Variants in INO80 observed in about 807,000 individuals in gnomAD.
INO80 encodes the protein INO80 complex ATPase subunit.
A neutral mutation model predicts 203.4 loss-of-function variants in INO80; 20 were observed. The observed-to-expected ratio is 0.10, with a 90% CI of 0.07 to 0.14. The LOEUF (loss-of-function observed/expected upper bound fraction) is 0.14. INO80 is among the 10% of genes least tolerant of loss of function. The pLI, the probability that INO80 is intolerant of heterozygous loss-of-function variation, is 1.00. For synonymous variants in INO80, 726 were observed against 685.2 expected (o/e 1.06, Z -0.93); for missense variants, 1,419 against 1,914.4 (o/e 0.74, Z 4.83).
chr15:41,081,404 T>C (rs1174950996), intron 7 of INO80, among the ~76,000 whole-genome samples: 2 of 152,172 alleles, frequency 1.3e-5, no homozygotes, highest in African/African-American at 4.8e-5. Flanking sequence ...TAAAAACATG[T>C]TGCTTACCAG....
chr15:40,989,014 CAAAA>C (rs55929719), intron 29 of INO80, among the ~76,000 whole-genome samples: 2 of 144,786 alleles, frequency 1.4e-5, no homozygotes, highest in African/African-American at 5.1e-5. Context: ...GCCTCCGTCT[CAAAA>C]AAAAAAAAAA....
In INO80 at chr15:41,058,918, T is replaced by A. The variant is rs116822334; in HGVS notation, c.1843-137A>T. ...GTGCTTCTCCCATATGGTAGGGAGA[T>A]GTGCAGTGAAGTGAACCATACTGTG... On this transcript the variant is annotated intron_variant, in intron 15 of 35. Transcript: ENST00000648947. The A allele has an allele frequency of 1.2e-4, 91 of 776,096 alleles. No homozygotes were observed. The African/African-American group carries it at 1.5e-3, about 13-fold the overall frequency. 48.1% of individuals were successfully genotyped at this position (776,096 alleles called of 1,614,324 possible). A position where few individuals can be genotyped will look rare whatever the true frequency, so the allele number is the denominator to read the frequency against.
chr15:41,054,972 G>T (rs2044956384), intron 18 of INO80, among the ~76,000 whole-genome samples: 1 of 152,096 alleles, frequency 6.6e-6, no homozygotes, highest in East Asian at 1.9e-4. Flanking sequence ...TGGGAAATGT[G>T]AATTCTGCAA....
intron 14 of INO80, among the ~76,000 whole-genome samples, chr15:41,068,631 G>A (rs1364226525): frequency 6.6e-6 from 1 of 151,954 alleles, no homozygotes; most frequent in Non-Finnish European, 1.5e-5. Flanking sequence ...GCCCAGGCAT[G>A]TGGATCACCT....
At position 41,096,243 on chromosome 15, in the gene INO80, T is replaced by G; in HGVS notation, c.68A>C (p.Gln23Pro). 6.2e-7 allele frequency: 1 copy of G among 1,613,160 alleles called. No homozygotes were observed. The highest frequency in any genetic ancestry group is 8.5e-7 in the Non-Finnish European group (1 of 1,179,776). The change falls in exon 2 of 36, where the codon CAG (glutamine) becomes CCG (proline). Residue 23 changes from glutamine to proline, a missense_variant. Physicochemically the swap from Gln to Pro is moderately conservative, Grantham distance 76 (BLOSUM62 -1). This residue lies in a region of INO80 where 323 missense variants were observed against 325.4 expected (regional missense o/e 0.99). Transcript: ENST00000648947. ...CTELAKPLYLQYLERALRLDH... is the reference protein window; with the variant it reads ...CTELAKPLYLPYLERALRLDH... ...CAACCGGAGGGCCCTCTCCAAGTACTGAAGATAGAGGGGCTTTGCCAGCTC... is the reference window on the plus strand; with the variant it reads ...CAACCGGAGGGCCCTCTCCAAGTACGGAAGATAGAGGGGCTTTGCCAGCTC...
chr15:41,039,719 G>T (rs563903637), intron 24 of INO80, among the ~76,000 whole-genome samples: 1 of 152,028 alleles, frequency 6.6e-6, no homozygotes, highest in African/African-American at 2.4e-5. Flanking sequence ...TGCCCTCCAC[G>T]GACCTTTGAG....
chr15:40,991,780 C>CT (rs889459469), intron 29 of INO80, among the ~76,000 whole-genome samples: 227 of 146,024 alleles, frequency 1.6e-3, no homozygotes, highest in African/African-American at 3.6e-3. Flanking sequence ...AAATTTCTTT[C>CT]TTTTTTTTTT....
intron 23 of INO80, among the ~76,000 whole-genome samples, chr15:41,046,703 C>T (rs530184382): frequency 6.6e-5 from 10 of 151,996 alleles, no homozygotes; most frequent in African/African-American, 1.7e-4. Flanking sequence ...CTGCAACCTC[C>T]ACCTCCTGGG....
intron 14 of INO80, among the ~76,000 whole-genome samples, chr15:41,068,780 A>T (rs2045264031): frequency 6.6e-6 from 1 of 152,152 alleles, no homozygotes; most frequent in Non-Finnish European, 1.5e-5. Context: ...GGATTGCTTG[A>T]ACCTGGGAGA....
At position 41,096,315 on chromosome 15, in the gene INO80, C is replaced by T; in HGVS notation, c.-5G>A. The T allele has an allele frequency of 6.3e-7, 1 of 1,580,562 alleles. No homozygotes were observed. Among genetic ancestry groups the T allele is most frequent in the Non-Finnish European group, 8.5e-7 (1 of 1,170,118 alleles). On this transcript the variant is annotated 5_prime_UTR_variant, in exon 2 of 36. Coordinates refer to ENST00000648947, the MANE Select transcript of INO80 (RefSeq NM_017553.3). ...GGCACCCAACTCCGAGGCCATAGAA[C>T]AAATCTGTCTTCATGCACAAGGACC...
Position 41,095,688 on chromosome 15 carries a change from G to A in INO80, c.314-20C>T, listed in dbSNP as rs777793142. 1.2e-6 allele frequency: 2 copies of A among 1,607,296 alleles called. No individual in the cohort carries two copies. The highest frequency in any genetic ancestry group is 4.5e-5 in the East Asian group (2 of 44,854). On this transcript the variant is annotated intron_variant, in intron 3 of 35. Transcript: ENST00000648947. ...TTGATTCTGTATAAAGAAACACAAA[G>A]AATAAAAAAATTAAAGGATGACTGC...
At chr15:41,101,295 G>A (rs1030897173) in intron 1 of INO80, among the ~76,000 whole-genome samples, 2 of 152,010 alleles carry the variant, frequency 1.3e-5, no homozygotes, top group Non-Finnish European at 2.9e-5. Context: ...ATCTGTTATC[G>A]TCCAACTTCA....
In INO80 at chr15:40,982,924, T is replaced by C; in HGVS notation, c.4391A>G (p.Lys1464Arg). The change falls in exon 35 of 36, where the codon AAA becomes AGA. Residue 1464 changes from lysine to arginine, a missense_variant. Physicochemically the swap from Lys to Arg is conservative, Grantham distance 26. Coordinates refer to ENST00000648947, the MANE Select transcript of INO80 (RefSeq NM_017553.3). ...TGCAGAGGCCGCTGCAGCCCCGGCT[T>C]TGGCTCCTGCCATTGCAGCAGCACT... ...AGSAAAMAGA[K>R]AGAAAASAAA... is the part of the protein sequence containing the mutation. The C allele has an allele frequency of 6.2e-7, 1 of 1,614,154 alleles. No homozygotes were observed. Among genetic ancestry groups the C allele is most frequent in the Non-Finnish European group, 8.5e-7 (1 of 1,180,054 alleles).
chr15:41,033,427 G>C (rs1307180352), intron 24 of INO80, among the ~76,000 whole-genome samples: 1 of 149,530 alleles, frequency 6.7e-6, no homozygotes, highest in Non-Finnish European at 1.5e-5. Context: ...TCAAACTCCT[G>C]GACTCAAGGG....
chr15:41,064,814 T>A (rs2045180861), intron 14 of INO80, among the ~76,000 whole-genome samples: 2 of 151,938 alleles, frequency 1.3e-5, no homozygotes, highest in Admixed American at 1.3e-4. Flanking sequence ...CTGGCCAACG[T>A]GGGGAAACTC....
In INO80 at chr15:40,979,807, T is replaced by C. The variant is rs766024860; in HGVS notation, c.*416A>G. 9.6e-5 allele frequency: 21 copies of C among 218,078 alleles called. No homozygotes were observed. The highest frequency in any genetic ancestry group is 1.6e-4 in the Admixed American group (3 of 19,246). The allele number at this position is 218,078 out of a possible 1,614,324, so 13.5% of individuals were successfully genotyped here. On this transcript the variant is annotated 3_prime_UTR_variant, in exon 36 of 36. Transcript: ENST00000648947. The stretch of plus-strand genomic sequence containing the variant: ...ACTAGCCCTATGAGAAATCACACTC[T>C]TAAGAGAAATCTCTACCATGGAAGG...
chr15:41,051,132 A>AAAAAAAAAAAAAAG lies in INO80; in HGVS notation c.2275-1031_2275-1030insCTTTTTTTTTTTTT, dbSNP rs1297676326. 3.3e-5 allele frequency among the ~76,000 whole-genome samples: 5 copies of AAAAAAAAAAAAAAG among 150,540 alleles called. 1 individual carries two copies. The highest frequency in any genetic ancestry group is 1.2e-4 in the African/African-American group (5 of 40,914). ...TGACAGAATGAGACTCCATCTCAAA[A>AAAAAAAAAAAAAAG]AAAAAAAAAAAGAAAGTTCTCCCAT... is the stretch of plus-strand genomic sequence containing the variant. On this transcript the variant is annotated intron_variant, in intron 19 of 35. Coordinates refer to ENST00000648947, the MANE Select transcript of INO80 (RefSeq NM_017553.3).
chr15:40,998,317 G>A (rs2043909353), intron 28 of INO80, among the ~76,000 whole-genome samples: 1 of 151,898 alleles, frequency 6.6e-6, no homozygotes, highest in Non-Finnish European at 1.5e-5. Context: ...CACCGTGCGG[G>A]GCCCCAAAGC....
At chr15:41,057,810 A>AG (rs1423593330) in intron 16 of INO80, among the ~76,000 whole-genome samples, 4 of 149,388 alleles carry the variant, frequency 2.7e-5, no homozygotes, top group Admixed American at 2.6e-4. Flanking sequence ...AAAAAAAAAA[A>AG]AAAAAAAAAA....
Sources: allele counts gnomAD v4.1 joint callset (sites outside exome capture counted in the v4.1 genomes callset), GRCh38; gene constraint gnomAD v4.1.1; regional missense constraint gnomAD v4.1.1; transcripts MANE v1.5; gene names NCBI Gene and HGNC (gene_info 2026-07-23, HGNC 2026-07-21).